The following GNB4 variants were observed in gnomAD, a reference collection of about 807,000 sequenced individuals.
GNB4 encodes the protein G protein subunit beta 4.
GNB4 carries 28 observed loss-of-function variants against 45.2 expected under a neutral mutation model. The observed-to-expected ratio is 0.62, with a 90% CI of 0.46 to 0.85. GNB4 has a LOEUF of 0.85. Among genes scored for constraint, GNB4 ranks in the 40% least tolerant of loss-of-function variants. The probability of loss-of-function intolerance (pLI) is 0.00; values close to 1 mark genes in which losing one functional copy is unlikely to be tolerated. For missense variants in GNB4, 321 were observed against 425.4 expected, an observed-to-expected ratio of 0.75 and a Z score of 2.16; for synonymous variants, 132 against 143.7, an observed-to-expected ratio of 0.92 and a Z score of 0.58.
the GNB4 span, among the ~76,000 whole-genome samples, chr3:179,522,523 C>G: frequency 0.77 from 116,453 of 152,170 alleles, 45,629 homozygotes; most frequent in East Asian, 0.99. Context: ...TTGACACGTA[C>G]TCCTTTTGCA....
chr3:179,453,669 CT>C (rs1715936996), upstream of GNB4, among the ~76,000 whole-genome samples: 1 of 152,088 alleles, frequency 6.6e-6, no homozygotes, highest in African/African-American at 2.4e-5. Context: ...ATTTGACTGT[CT>C]TTTAAAGAGT....
intron 1 of GNB4, among the ~76,000 whole-genome samples, chr3:179,437,130 G>A (rs977238407): frequency 2.6e-5 from 4 of 152,012 alleles, no homozygotes; most frequent in Admixed American, 1.3e-4. Flanking sequence ...TAAACCCTAG[G>A]GCCAGATATA....
the GNB4 span, among the ~76,000 whole-genome samples, chr3:179,506,081 G>A: frequency 4.6e-5 from 7 of 152,216 alleles, no homozygotes; most frequent in Non-Finnish European, 1.0e-4. Flanking sequence ...GGTGGCTCAC[G>A]CCTTTAATCT....
the GNB4 span, among the ~76,000 whole-genome samples, chr3:179,509,171 A>ATG: frequency 8.8e-6 from 1 of 113,168 alleles, no homozygotes; most frequent in Non-Finnish European, 2.1e-5. Context: ...ATATACATAC[A>ATG]CACACACACA....
the GNB4 span, among the ~76,000 whole-genome samples, chr3:179,485,946 AC>A: frequency 6.7e-6 from 1 of 149,184 alleles, no homozygotes; most frequent in African/African-American, 2.5e-5. Flanking sequence ...TCAAAACAAA[AC>A]AAAACAACAA....
intron 2 of GNB4, among the ~76,000 whole-genome samples, chr3:179,423,083 G>A (rs956607774): frequency 1.3e-5 from 2 of 152,132 alleles, no homozygotes; most frequent in African/African-American, 2.4e-5. Context: ...GAGCCACCGT[G>A]CCCAGCCAGA....
Position 179,400,241 on chromosome 3 carries a change from G to C in GNB4, c.*972C>G, listed in dbSNP as rs1418082466. On this transcript the variant is annotated 3_prime_UTR_variant, in exon 10 of 10. Coordinates refer to ENST00000232564, the MANE Select transcript of GNB4 (RefSeq NM_021629.4). ...CGTATTACAACAAATATGTGCTAGC[G>C]ATTGGTTAGATTTCACACTTCTCTC... 1 of 152,168 alleles carries C rather than the reference G, an allele frequency of 6.6e-6. No individual in the cohort carries two copies. Among genetic ancestry groups the C allele is most frequent in the African/African-American group, 2.4e-5 (1 of 41,432 alleles). The allele number at this position is 152,168 out of a possible 1,614,324, so 9.4% of individuals were successfully genotyped here.
the GNB4 span, among the ~76,000 whole-genome samples, chr3:179,489,031 T>C: frequency 5.8e-5 from 4 of 69,164 alleles, no homozygotes; most frequent in East Asian, 2.8e-3. Flanking sequence ...TATATATATA[T>C]ATATATATAT....
chr3:179,425,270 C>T (rs1034422472), intron 2 of GNB4, among the ~76,000 whole-genome samples: 1 of 152,198 alleles, frequency 6.6e-6, no homozygotes, highest in African/African-American at 2.4e-5. Flanking sequence ...GTGCTCCCCA[C>T]GCAGACGCCT....
chr3:179,426,261 C>A lies in GNB4; in HGVS notation c.-42-19G>T. On this transcript the variant is annotated intron_variant, in intron 1 of 9. Coordinates refer to ENST00000232564, the MANE Select transcript of GNB4 (RefSeq NM_021629.4). Reference sequence around the variant, plus strand: ...AAAACAGCTGTTAAAAAACAGAGAGCAAGAGAAAGATTCAGTTCTCTACTT... The same window carrying A: ...AAAACAGCTGTTAAAAAACAGAGAGAAAGAGAAAGATTCAGTTCTCTACTT... 1.6e-6 allele frequency: 2 copies of A among 1,266,918 alleles called. No individual in the cohort carries two copies. Among genetic ancestry groups the A allele is most frequent in the Non-Finnish European group, 2.2e-6 (2 of 898,270 alleles). The allele number at this position is 1,266,918 out of a possible 1,614,324, so 78.5% of individuals were successfully genotyped here.
Position 179,405,399 on chromosome 3 carries a change from G to A in GNB4, c.707C>T (p.Pro236Leu). 6.2e-7 allele frequency: 1 copy of A among 1,607,146 alleles called. No individual in the cohort carries two copies. The highest frequency in any genetic ancestry group is 8.5e-7 in the Non-Finnish European group (1 of 1,175,376). ...VSDINAVSFF[P>L]NGYAFATGSD... ...GCCAGTGGCGAAGGCATATCCATTT[G>A]GGAAAAACTAGACAGGAAAGTAACA... is the stretch of plus-strand genomic sequence containing the variant. The change falls in exon 9 of 10, where the codon CCA (proline) becomes CTA (leucine). Residue 236 changes from proline to leucine, a missense_variant. Pro to Leu is a moderately conservative substitution (Grantham distance 98, BLOSUM62 -3). Coordinates refer to ENST00000232564, the MANE Select transcript of GNB4 (RefSeq NM_021629.4).
chr3:179,464,685 T>C, the GNB4 span: 2 of 1,066,830 alleles, frequency 1.9e-6, no homozygotes, highest in Non-Finnish European at 2.9e-6. Flanking sequence ...GGAAGAATTG[T>C]TGAATTTAAT....
At chr3:179,403,455 C>T (rs746760102) in intron 9 of GNB4, among the ~76,000 whole-genome samples, 37 of 151,928 alleles carry the variant, frequency 2.4e-4, no homozygotes, top group Non-Finnish European at 3.4e-4. Flanking sequence ...GGTGAGGTTT[C>T]CTCCCAGAAG....
At chr3:179,446,358 A>G (rs1313283847) in intron 1 of GNB4, among the ~76,000 whole-genome samples, 2 of 152,256 alleles carry the variant, frequency 1.3e-5, no homozygotes, top group African/African-American at 4.8e-5. Flanking sequence ...GTTGAGAGAA[A>G]GAGGTCTTTG....
chr3:179,488,957 C>G, the GNB4 span, among the ~76,000 whole-genome samples: 1 of 122,716 alleles, frequency 8.1e-6, no homozygotes, highest in Admixed American at 9.8e-5. Context: ...GCACTCCAGC[C>G]TGGGTGACAC....
upstream of GNB4, among the ~76,000 whole-genome samples, chr3:179,453,789 C>T (rs1430094551): frequency 2.6e-5 from 4 of 151,260 alleles, no homozygotes; most frequent in Admixed American, 6.6e-5. Flanking sequence ...ATTATCCAAA[C>T]GAATCTACTT....
the GNB4 span, among the ~76,000 whole-genome samples, chr3:179,472,302 A>G: frequency 6.6e-6 from 1 of 150,794 alleles, no homozygotes; most frequent in Middle Eastern, 3.4e-3. Flanking sequence ...TATTCACCAA[A>G]TTTTCTTATA....
At chr3:179,488,495 G>A in the GNB4 span, among the ~76,000 whole-genome samples, 1 of 152,014 alleles carries the variant, frequency 6.6e-6, no homozygotes, top group Non-Finnish European at 1.5e-5. Context: ...TCAACCAGAG[G>A]CTTACACTTC....
chr3:179,488,673 A>G, the GNB4 span, among the ~76,000 whole-genome samples: 1 of 151,988 alleles, frequency 6.6e-6, no homozygotes. Flanking sequence ...CTTTATGACC[A>G]AGTGTTCGTG....
Sources: allele counts gnomAD v4.1 joint callset (sites outside exome capture counted in the v4.1 genomes callset), GRCh38; gene constraint gnomAD v4.1.1; transcripts MANE v1.5; gene names NCBI Gene and HGNC (gene_info 2026-07-23, HGNC 2026-07-21).